The following DPP10 variants were observed in gnomAD, a reference collection of about 807,000 sequenced individuals.
DPP10 encodes inactive dipeptidyl peptidase 10.
In DPP10, 33 loss-of-function variants were observed where a neutral mutation model predicts 120.9. That is an observed-to-expected ratio of 0.27 (90% CI 0.21 to 0.37). DPP10 has a LOEUF of 0.37. Ranked by LOEUF, DPP10 falls within the 10% of genes least tolerant of loss-of-function variation. The probability of loss-of-function intolerance (pLI) is 1.00; values close to 1 mark genes in which losing one functional copy is unlikely to be tolerated. For synonymous variants in DPP10, 337 were observed against 326.1 expected (o/e 1.03, Z -0.36); for missense variants, 816 against 942.8 (o/e 0.87, Z 1.76).
At chr2:115,204,071 T>C (rs956618731) in intron 1 of DPP10, among the ~76,000 whole-genome samples, 9 of 152,126 alleles carry the variant, frequency 5.9e-5, no homozygotes, top group Admixed American at 5.9e-4. Context: ...TCTTCAGTTA[T>C]CCTGATTTGA....
At chr2:115,327,871 T>C (rs2062459260) in intron 2 of DPP10, among the ~76,000 whole-genome samples, 1 of 152,074 alleles carries the variant, frequency 6.6e-6, no homozygotes, top group Non-Finnish European at 1.5e-5. Flanking sequence ...AAGAATATAA[T>C]GACAATTGTT....
At position 115,729,806 on chromosome 2, in the gene DPP10, GAGAGAGAGA is replaced by G. The variant is rs1161994997; in HGVS notation, c.697+1880_697+1888del. Reference sequence around the variant, plus strand: ...AACAAGGGAGAGAGAGAAAAAGAGAGAGAGAGAGAAGAGAGAGAGAGCATCTGAGTCAAG... The same window carrying G: ...AACAAGGGAGAGAGAGAAAAAGAGAGAGAGAGAGAGAGCATCTGAGTCAAG... On this transcript the variant is annotated intron_variant, in intron 8 of 25. Transcript: ENST00000410059. 9.7e-3 allele frequency among the ~76,000 whole-genome samples: 32 copies of G among 3,298 alleles called. No individual in the cohort carries two copies. The South Asian group carries it at 0.24, about 25-fold the overall frequency. 2.2% of individuals were successfully genotyped at this position (3,298 alleles called of 152,430 possible). A position where few individuals can be genotyped will look rare whatever the true frequency, so the allele number is the denominator to read the frequency against.
chr2:115,378,344 GCTCT>G (rs1015693884), intron 3 of DPP10, among the ~76,000 whole-genome samples: 1 of 117,724 alleles, frequency 8.5e-6, no homozygotes, highest in Non-Finnish European at 2.2e-5. Flanking sequence ...TCATGATTTG[GCTCT>G]CTGTTTGTCT....
At chr2:114,692,346 G>T (rs1699810754) in intron 1 of DPP10, among the ~76,000 whole-genome samples, 1 of 151,890 alleles carries the variant, frequency 6.6e-6, no homozygotes, top group Non-Finnish European at 1.5e-5. Flanking sequence ...GTTTACCCAA[G>T]AGTCATTCAG....
At chr2:114,741,753 A>G (rs1392355583) in intron 1 of DPP10, among the ~76,000 whole-genome samples, 3 of 152,174 alleles carry the variant, frequency 2.0e-5, no homozygotes, top group East Asian at 1.9e-4. Flanking sequence ...ATATGATCAC[A>G]TGAAGATGGA....
At chr2:114,590,470 A>G (rs1025323510) in intron 1 of DPP10, among the ~76,000 whole-genome samples, 2 of 152,226 alleles carry the variant, frequency 1.3e-5, no homozygotes, top group African/African-American at 4.8e-5. Context: ...TGTGTTATTC[A>G]CAATGTAACA....
intron 1 of DPP10, among the ~76,000 whole-genome samples, chr2:115,221,398 G>A (rs182928532): frequency 6.6e-6 from 1 of 152,102 alleles, no homozygotes; most frequent in Non-Finnish European, 1.5e-5. Context: ...CACTAAAGCA[G>A]GGTTCGGCAA....
At chr2:114,955,063 TAAGA>T in intron 1 of DPP10, among the ~76,000 whole-genome samples, 1 of 152,168 alleles carries the variant, frequency 6.6e-6, no homozygotes, top group East Asian at 1.9e-4. Context: ...GGACCTTGCA[TAAGA>T]AAGAATTAAG....
chr2:115,839,441 C>T (rs978740739), intron 24 of DPP10, among the ~76,000 whole-genome samples: 4 of 151,888 alleles, frequency 2.6e-5, no homozygotes, highest in Non-Finnish European at 2.9e-5. Context: ...TTTGGGAGAC[C>T]GAGGCAGGCA....
chr2:114,794,742 A>G (rs1272625823), intron 1 of DPP10, among the ~76,000 whole-genome samples: 1 of 152,250 alleles, frequency 6.6e-6, no homozygotes, highest in African/African-American at 2.4e-5. Flanking sequence ...CATCCATTTT[A>G]GAGTTGCTCC....
chr2:115,078,430 TA>T (rs1367530868), intron 1 of DPP10, among the ~76,000 whole-genome samples: 1 of 152,202 alleles, frequency 6.6e-6, no homozygotes, highest in Non-Finnish European at 1.5e-5. Context: ...CAATTATTTT[TA>T]AAAAGAATTA....
At chr2:115,239,798 T>G (rs1208313084) in intron 1 of DPP10, among the ~76,000 whole-genome samples, 3 of 152,090 alleles carry the variant, frequency 2.0e-5, no homozygotes, top group Non-Finnish European at 4.4e-5. Context: ...TTCCCCTCCT[T>G]GTGTCCATGC....
chr2:115,291,040 G>C (rs2060632307), intron 1 of DPP10, among the ~76,000 whole-genome samples: 1 of 152,082 alleles, frequency 6.6e-6, no homozygotes, highest in East Asian at 1.9e-4. Context: ...GTCTCGCTCT[G>C]TTGCCCAGGC....
At chr2:114,524,581 G>A (rs970286223) in intron 1 of DPP10, among the ~76,000 whole-genome samples, 10 of 152,178 alleles carry the variant, frequency 6.6e-5, no homozygotes, top group African/African-American at 2.4e-4. Context: ...TTACAAGTGG[G>A]AATACAAAGG....
At chr2:115,675,901 T>G (rs6757658) in intron 5 of DPP10, among the ~76,000 whole-genome samples, 22,617 of 152,136 alleles carry the variant, frequency 0.15, 2,122 homozygotes, top group African/African-American at 0.27. Flanking sequence ...CTGACATCCA[T>G]CCCACATCCA....
intron 5 of DPP10, among the ~76,000 whole-genome samples, chr2:115,672,168 C>A (rs4075700): frequency 0.078 from 11,790 of 152,078 alleles, 647 homozygotes; most frequent in Non-Finnish European, 0.11. Context: ...ATTTGAAAAT[C>A]TTTTAGTTAT....
chr2:115,452,797 A>C (rs941056757), intron 3 of DPP10, among the ~76,000 whole-genome samples: 1 of 151,916 alleles, frequency 6.6e-6, no homozygotes, highest in African/African-American at 2.4e-5. Flanking sequence ...GTTCTTTAAT[A>C]ATATAAAATA....
At chr2:114,936,748 C>T (rs1696516827) in intron 1 of DPP10, among the ~76,000 whole-genome samples, 1 of 152,100 alleles carries the variant, frequency 6.6e-6, no homozygotes, top group Non-Finnish European at 1.5e-5. Context: ...TCCATGCCAA[C>T]ATCTATTATT....
At chr2:114,941,869 T>C (rs1395663179) in intron 1 of DPP10, among the ~76,000 whole-genome samples, 1 of 152,070 alleles carries the variant, frequency 6.6e-6, no homozygotes, top group Admixed American at 6.6e-5. Context: ...GTGGTAAAAT[T>C]TCAGAACTAT....
Sources: gnomAD v4.1 joint callset for allele counts (sites outside exome capture counted in the v4.1 genomes callset) on GRCh38, gnomAD v4.1.1 for gene constraint, MANE v1.5 for transcripts, NCBI Gene and HGNC (gene_info 2026-07-23, HGNC 2026-07-21) for gene names.